GFOD1: variants seen among roughly 807,000 people sequenced by gnomAD.
GFOD1 encodes the protein Gfo/Idh/MocA-like oxidoreductase domain containing 1.
Under a neutral mutation model 25.4 loss-of-function variants are expected in GFOD1, and 9 were observed. That is an observed-to-expected ratio of 0.35 (90% CI 0.21 to 0.62). The LOEUF (loss-of-function observed/expected upper bound fraction) is 0.62, where lower values mean the gene tolerates loss of function less well. Ranked by LOEUF, GFOD1 falls within the 20% of genes least tolerant of loss-of-function variation. The probability of loss-of-function intolerance (pLI) is 0.72; values close to 1 mark genes in which losing one functional copy is unlikely to be tolerated. For missense variants in GFOD1, 403 were observed against 556.9 expected (o/e 0.72, Z 2.78); for synonymous variants, 253 against 245.6 (o/e 1.03, Z -0.28).
chr6:13,367,181 G>A (rs776821498), intron 1 of GFOD1, among the ~76,000 whole-genome samples: 67 of 152,120 alleles, frequency 4.4e-4, no homozygotes, highest in Middle Eastern at 6.8e-3. Context: ...CCTGTATTTG[G>A]ACAGAATAAG....
intron 1 of GFOD1, among the ~76,000 whole-genome samples, chr6:13,454,338 C>T (rs951760394): frequency 1.3e-5 from 2 of 152,138 alleles, no homozygotes; most frequent in African/African-American, 2.4e-5. Context: ...CGGCAACTCC[C>T]GGAAACTAAT....
intron 1 of GFOD1, among the ~76,000 whole-genome samples, chr6:13,379,280 C>T (rs1295362185): frequency 6.6e-6 from 1 of 152,152 alleles, no homozygotes; most frequent in Admixed American, 6.5e-5. Flanking sequence ...AAATTTCCCA[C>T]CTGAGAGTCT....
At chr6:13,383,105 T>C (rs908040348) in intron 1 of GFOD1, among the ~76,000 whole-genome samples, 1 of 152,254 alleles carries the variant, frequency 6.6e-6, no homozygotes, top group East Asian at 1.9e-4. Context: ...GTCTTTGCTA[T>C]TGTGAACAGT....
intron 1 of GFOD1, among the ~76,000 whole-genome samples, chr6:13,373,274 C>A (rs985717048): frequency 6.6e-6 from 1 of 152,134 alleles, no homozygotes; most frequent in African/African-American, 2.4e-5. Context: ...GGAGAGGGAA[C>A]GTTTGAGCTG....
At chr6:13,402,093 T>C (rs1402484964) in intron 1 of GFOD1, among the ~76,000 whole-genome samples, 1 of 152,230 alleles carries the variant, frequency 6.6e-6, no homozygotes, top group African/African-American at 2.4e-5. Context: ...GGGAAAAGAA[T>C]CGTCTTTTTA....
At chr6:13,413,303 G>A (rs868196935) in intron 1 of GFOD1, among the ~76,000 whole-genome samples, 63 of 152,186 alleles carry the variant, frequency 4.1e-4, no homozygotes, top group African/African-American at 1.4e-3. Context: ...TGGGGAGCAG[G>A]CCACCCACTT....
intron 1 of GFOD1, among the ~76,000 whole-genome samples, chr6:13,410,912 C>T (rs1275399325): frequency 6.6e-6 from 1 of 152,114 alleles, no homozygotes; most frequent in African/African-American, 2.4e-5. Flanking sequence ...CAGAAGGGCC[C>T]CATAATTACT....
chr6:13,361,957 C>T lies in GFOD1; in HGVS notation c.*2786G>A, dbSNP rs529543768. 4 of 152,062 alleles carry T rather than the reference C, an allele frequency of 2.6e-5. No homozygotes were observed. Among genetic ancestry groups the T allele is most frequent in the African/African-American group, 4.8e-5 (2 of 41,396 alleles). 9.4% of individuals were successfully genotyped at this position (152,062 alleles called of 1,614,324 possible). A position where few individuals can be genotyped will look rare whatever the true frequency, so the allele number is the denominator to read the frequency against. On this transcript the variant is annotated 3_prime_UTR_variant, in exon 2 of 2. Coordinates refer to ENST00000379287, the MANE Select transcript of GFOD1 (RefSeq NM_018988.4). ...CCCGAAGTTTTGGGAAAAGATTTCGCGAGTATTATGGTTTAGTACAGAAAC... is the reference window on the plus strand; with the variant it reads ...CCCGAAGTTTTGGGAAAAGATTTCGTGAGTATTATGGTTTAGTACAGAAAC...
chr6:13,478,058 T>C (rs1410468420), intron 1 of GFOD1, among the ~76,000 whole-genome samples: 2 of 110,430 alleles, frequency 1.8e-5, no homozygotes, highest in Non-Finnish European at 4.3e-5. Context: ...AGTGAGAATC[T>C]ATCTCAAAAA....
At position 13,363,029 on chromosome 6, in the gene GFOD1, A is replaced by G. The variant is rs942066416; in HGVS notation, c.*1714T>C. ...TGAACAAAAGCTACGTAGACTTATG[A>G]GGAATGGCTTCCACGTCCACACTTG... On this transcript the variant is annotated 3_prime_UTR_variant, in exon 2 of 2. Coordinates refer to ENST00000379287, the MANE Select transcript of GFOD1 (RefSeq NM_018988.4). The G allele has an allele frequency of 1.1e-4, 16 of 152,262 alleles. No individual in the cohort carries two copies. The highest frequency in any genetic ancestry group is 3.9e-4 in the African/African-American group (16 of 41,468). The allele number at this position is 152,262 out of a possible 1,614,324, so 9.4% of individuals were successfully genotyped here.
intron 1 of GFOD1, among the ~76,000 whole-genome samples, chr6:13,422,499 C>T (rs960193590): frequency 6.6e-6 from 1 of 152,198 alleles, no homozygotes; most frequent in African/African-American, 2.4e-5. Context: ...CCTCCACTTT[C>T]CTGCTTATTC....
At chr6:13,482,330 T>C (rs1310047223) in intron 1 of GFOD1, among the ~76,000 whole-genome samples, 6 of 149,432 alleles carry the variant, frequency 4.0e-5, no homozygotes, top group Non-Finnish European at 8.9e-5. Flanking sequence ...ATACATTTAA[T>C]ATATTTTTAA....
rs1314035117 is a variant in GFOD1, at chr6:13,433,832, GAGTC to G, written c.253+52802_253+52805del. 2.6e-5 allele frequency among the ~76,000 whole-genome samples: 4 copies of G among 152,266 alleles called. No homozygotes were observed. The East Asian group carries it at 7.7e-4, about 29-fold the overall frequency. On this transcript the variant is annotated intron_variant, in intron 1 of 1. Coordinates refer to ENST00000379287, the MANE Select transcript of GFOD1 (RefSeq NM_018988.4). ...CCTCTCTCCTCTGCCCAAACCATGA[GAGTC>G]AGTCAGAGAGCCGACTCTCCCATTA... is the stretch of plus-strand genomic sequence containing the variant.
intron 1 of GFOD1, among the ~76,000 whole-genome samples, chr6:13,374,309 G>GT (rs1554199412): frequency 0.047 from 6,426 of 137,348 alleles, 276 homozygotes; most frequent in African/African-American, 0.11. Context: ...GTGTGTGTTT[G>GT]TTTTTTTTTT....
intron 1 of GFOD1, among the ~76,000 whole-genome samples, chr6:13,463,180 T>C (rs1161177708): frequency 6.6e-6 from 1 of 152,164 alleles, no homozygotes; most frequent in African/African-American, 2.4e-5. Context: ...AAAGCCTGGC[T>C]TTCCAGACCA....
chr6:13,409,071 T>G (rs1293057232), intron 1 of GFOD1, among the ~76,000 whole-genome samples: 4 of 106,084 alleles, frequency 3.8e-5, no homozygotes, highest in Admixed American at 1.1e-4. Flanking sequence ...GGTGACAGAG[T>G]GAGACTCCAT....
chr6:13,446,679 T>C (rs1167798894), intron 1 of GFOD1, among the ~76,000 whole-genome samples: 2 of 152,120 alleles, frequency 1.3e-5, no homozygotes, highest in African/African-American at 2.4e-5. Flanking sequence ...AGCACATGTA[T>C]GCAAGTGGCC....
chr6:13,401,846 C>T (rs1157553000), intron 1 of GFOD1, among the ~76,000 whole-genome samples: 1 of 152,134 alleles, frequency 6.6e-6, no homozygotes, highest in African/African-American at 2.4e-5. Flanking sequence ...CATGAAAATG[C>T]TAGGATCCCA....
At chr6:13,477,114 G>A (rs572737410) in intron 1 of GFOD1, among the ~76,000 whole-genome samples, 34 of 152,178 alleles carry the variant, frequency 2.2e-4, no homozygotes, top group African/African-American at 2.9e-4. Context: ...CCACCGACGC[G>A]TCTTCCAGGT....
Sources: allele counts gnomAD v4.1 joint callset (sites outside exome capture counted in the v4.1 genomes callset), GRCh38; gene constraint gnomAD v4.1.1; transcripts MANE v1.5; gene names NCBI Gene and HGNC (gene_info 2026-07-23, HGNC 2026-07-21).